Variants in IL4R observed in about 807,000 individuals in gnomAD.
IL4R encodes the protein interleukin-4 receptor subunit alpha.
In IL4R, 17 loss-of-function variants were observed where a neutral mutation model predicts 41.5. The ratio of observed to expected loss-of-function variants is 0.41; its 90% confidence interval spans 0.28 to 0.61. The LOEUF (loss-of-function observed/expected upper bound fraction) is 0.61, where lower values mean the gene tolerates loss of function less well. Among genes scored for constraint, IL4R ranks in the 20% least tolerant of loss-of-function variants. The pLI is 0.31. For synonymous variants in IL4R, 402 were observed against 422.9 expected (o/e 0.95, Z 0.61); for missense variants, 974 against 1,043.1 (o/e 0.93, Z 0.91).
chr16:27,328,990 C>G (rs1022661461), intron 1 of IL4R, among the ~76,000 whole-genome samples: 1 of 152,046 alleles, frequency 6.6e-6, no homozygotes, highest in Admixed American at 6.6e-5. Context: ...CTCTAAATCT[C>G]TTGTTGAAAT....
chr16:27,362,850 T>C lies in IL4R; in HGVS notation c.1498T>C (p.Phe500Leu), dbSNP rs1369857592. The C allele has an allele frequency of 6.2e-7, 1 of 1,614,124 alleles. No individual in the cohort carries two copies. The highest frequency in any genetic ancestry group is 8.5e-7 in the Non-Finnish European group (1 of 1,180,032). ...CGCAGGCAACCCTGCTTACCGCAGC[T>C]TCAGCAACTCCCTGAGCCAGTCACC... ...VIAGNPAYRS[F>L]SNSLSQSPCP... Residue 500 changes from phenylalanine to leucine, a missense_variant, in exon 11 of 11, where the codon TTC (phenylalanine) becomes CTC (leucine). Physicochemically the swap from Phe to Leu is conservative, Grantham distance 22 (BLOSUM62 0). Transcript: ENST00000395762.
At position 27,362,322 on chromosome 16, in the gene IL4R, C is replaced by T. The variant is rs202167709; in HGVS notation, c.970C>T (p.Pro324Ser). Reference protein sequence around the residue: ...LEHNMKRDEDPHKAAKEMPFQ... With the variant: ...LEHNMKRDEDSHKAAKEMPFQ... ...GCACAACATGAAAAGGGATGAAGAT[C>T]CTCACAAGGCTGCCAAAGAGATGCC... Residue 324 changes from proline to serine, a missense_variant, in exon 11 of 11, where the codon CCT becomes TCT. Transcript: ENST00000395762. 19 of 1,614,006 alleles carry T rather than the reference C, an allele frequency of 1.2e-5. No homozygotes were observed. The highest frequency in any genetic ancestry group is 1.5e-5 in the Non-Finnish European group (18 of 1,179,998).
upstream of IL4R, chr16:27,313,791 C>A (rs1397074864): frequency 8.5e-6 from 4 of 472,250 alleles, no homozygotes; most frequent in African/African-American, 4.2e-5. Context: ...CCGGCGGCGG[C>A]GGCGGGGACA....
chr16:27,342,389 T>G lies in IL4R; in HGVS notation c.209+130T>G, dbSNP rs2085472285. Reference sequence around the variant, plus strand: ...ATGGTTTGCTGCTGTTTATATGGTGTTAGAGGGGAGGTCCCATCTCCAGGG... The same window carrying G: ...ATGGTTTGCTGCTGTTTATATGGTGGTAGAGGGGAGGTCCCATCTCCAGGG... On this transcript the variant is annotated intron_variant, in intron 4 of 10. Coordinates refer to ENST00000395762, the MANE Select transcript of IL4R (RefSeq NM_000418.4). 2.7e-6 allele frequency: 3 copies of G among 1,126,014 alleles called. No homozygotes were observed. The South Asian group carries it at 4.4e-5, about 16-fold the overall frequency. The allele number at this position is 1,126,014 out of a possible 1,614,324, so 69.8% of individuals were successfully genotyped here. A position where few individuals can be genotyped will look rare whatever the true frequency, so the allele number is the denominator to read the frequency against.
chr16:27,339,749 C>T (rs534454414), intron 2 of IL4R, among the ~76,000 whole-genome samples: 1 of 151,942 alleles, frequency 6.6e-6, no homozygotes, highest in Non-Finnish European at 1.5e-5. Context: ...CTGTTGTCGG[C>T]AGAGACACAA....
At chr16:27,354,366 A>C (rs1325049438) in intron 7 of IL4R, among the ~76,000 whole-genome samples, 1 of 152,196 alleles carries the variant, frequency 6.6e-6, no homozygotes, top group African/African-American at 2.4e-5. Flanking sequence ...ACACTGTCTT[A>C]CATAAAGCAG....
chr16:27,357,578 C>A (rs1259149564), intron 8 of IL4R, among the ~76,000 whole-genome samples: 1 of 152,118 alleles, frequency 6.6e-6, no homozygotes, highest in East Asian at 1.9e-4. Flanking sequence ...ATTCTCCTGC[C>A]TTAGCCTCCC....
chr16:27,350,204 C>T (rs1440631111), intron 6 of IL4R, among the ~76,000 whole-genome samples: 1 of 152,214 alleles, frequency 6.6e-6, no homozygotes, highest in Non-Finnish European at 1.5e-5. Context: ...TCAGATTTCT[C>T]TTTTGTTTCT....
At chr16:27,351,088 T>A (rs952902878) in intron 6 of IL4R, among the ~76,000 whole-genome samples, 5 of 152,192 alleles carry the variant, frequency 3.3e-5, no homozygotes, top group African/African-American at 1.2e-4. Context: ...GAGGCTATAA[T>A]CAAGGTGTGG....
intron 10 of IL4R, among the ~76,000 whole-genome samples, chr16:27,361,610 C>CTT (rs34798776): frequency 1.5e-4 from 17 of 111,772 alleles, no homozygotes; most frequent in Non-Finnish European, 2.7e-4. Context: ...GATCCCGCAT[C>CTT]TTTTTTTTTT....
At chr16:27,352,478 G>T in intron 6 of IL4R, 62 bp from the exon 7 acceptor site, 1 of 1,439,062 alleles carries the variant, frequency 6.9e-7, no homozygotes, top group Non-Finnish European at 9.7e-7. Context: ...ACAGCAACCA[G>T]GGTGGGCACT....
intron 7 of IL4R, 91 bp downstream of exon 7, chr16:27,352,787 T>C (rs1364686490): frequency 1.3e-5 from 18 of 1,341,368 alleles, no homozygotes. Context: ...CTCTGGGCTT[T>C]TATATCATAG....
intron 1 of IL4R, among the ~76,000 whole-genome samples, chr16:27,326,861 C>G (rs1205708451): frequency 6.6e-6 from 1 of 152,106 alleles, no homozygotes; most frequent in South Asian, 2.1e-4. Context: ...CAGGCAGATC[C>G]CGGGCCATTC....
Position 27,336,817 on chromosome 16 carries a change from G to A in IL4R, c.-18-3369G>A, listed in dbSNP as rs578109314. On this transcript the variant is annotated intron_variant, in intron 2 of 10. Coordinates refer to ENST00000395762, the MANE Select transcript of IL4R (RefSeq NM_000418.4). The stretch of plus-strand genomic sequence containing the variant: ...GTGGCAGCCGGGCTCAGTGGCTCAC[G>A]CCTGTAATCCCAGCACTTTGGGAGG... Among the ~76,000 whole-genome samples, 41 of 152,048 alleles carry A rather than the reference G, an allele frequency of 2.7e-4. No homozygotes were observed. In the East Asian group the frequency reaches 5.6e-3, roughly 21 times the overall value.
chr16:27,362,831 C>G lies in IL4R; in HGVS notation c.1479C>G (p.Gly493=), dbSNP rs1251090952. The G allele has an allele frequency of 6.2e-7, 1 of 1,614,154 alleles. No individual in the cohort carries two copies. The highest frequency in any genetic ancestry group is 1.1e-5 in the South Asian group (1 of 91,088). ...CAGAGACGCCCCTCGTCATCGCAGG[C>G]AACCCTGCTTACCGCAGCTTCAGCA... ...TCTETPLVIA[G]NPAYRSFSNS... Residue 493 remains glycine (G), a synonymous_variant, in exon 11 of 11, where the codon GGC becomes GGG. Coordinates refer to ENST00000395762, the MANE Select transcript of IL4R (RefSeq NM_000418.4).
At chr16:27,352,313 C>T (rs909119492) in intron 6 of IL4R, among the ~76,000 whole-genome samples, 10 of 152,188 alleles carry the variant, frequency 6.6e-5, no homozygotes, top group African/African-American at 2.2e-4. Flanking sequence ...GGTTAAACAA[C>T]TTGCCTAAGT....
chr16:27,355,961 G>C (rs2086059609), intron 8 of IL4R, 54 bp downstream of exon 8: 1 of 1,265,560 alleles, frequency 7.9e-7, no homozygotes, highest in South Asian at 1.2e-5. Flanking sequence ...CAGGGTGGCA[G>C]GGACTTGCCC....
chr16:27,344,393 T>C (rs1596821618), intron 4 of IL4R, among the ~76,000 whole-genome samples: 1 of 148,034 alleles, frequency 6.8e-6, no homozygotes. Flanking sequence ...GGAAATTGTG[T>C]GGCCTTTGAA....
chr16:27,337,111 G>A (rs183478979), intron 2 of IL4R, among the ~76,000 whole-genome samples: 67 of 148,012 alleles, frequency 4.5e-4, no homozygotes, highest in African/African-American at 1.7e-3. Context: ...AAAATAAAAT[G>A]TTAAAAAACA....
Sources: gnomAD v4.1 joint callset for allele counts (sites outside exome capture counted in the v4.1 genomes callset) on GRCh38, gnomAD v4.1.1 for gene constraint, MANE v1.5 for transcripts, NCBI Gene and HGNC (gene_info 2026-07-23, HGNC 2026-07-21) for gene names.